Variants in SPIDR observed in about 807,000 individuals in gnomAD.
SPIDR encodes DNA repair-scaffolding protein.
In SPIDR, 93 loss-of-function variants were observed where a neutral mutation model predicts 104.6. That is an observed-to-expected ratio of 0.89 (90% CI 0.75 to 1.06). SPIDR has a LOEUF of 1.06. Ranked by LOEUF, SPIDR falls within the 50% of genes least tolerant of loss-of-function variation. The pLI is 0.00. For synonymous variants in SPIDR, 431 were observed against 416.9 expected, an observed-to-expected ratio of 1.03 and a Z score of -0.41; for missense variants, 1,154 against 1,111.2, an observed-to-expected ratio of 1.04 and a Z score of -0.55.
chr8:47,532,916 A>C (rs914551654), intron 8 of SPIDR, among the ~76,000 whole-genome samples: 2 of 152,240 alleles, frequency 1.3e-5, no homozygotes, highest in African/African-American at 4.8e-5. Context: ...AAATGATAGG[A>C]TCATACAGAG....
chr8:47,729,093 C>T (rs2084780756), intron 18 of SPIDR, 46 bp downstream of exon 18: 1 of 1,604,246 alleles, frequency 6.2e-7, no homozygotes, highest in Non-Finnish European at 8.5e-7. Context: ...CTCACTCCAA[C>T]ATAGCGAAGG....
chr8:47,506,767 A>T (rs891912352), intron 8 of SPIDR, among the ~76,000 whole-genome samples: 1 of 152,198 alleles, frequency 6.6e-6, no homozygotes, highest in Non-Finnish European at 1.5e-5. Flanking sequence ...ACCAAACCTG[A>T]GTAGGCATAT....
At chr8:47,391,995 CAAAAAAAAA>C (rs556134389) in intron 5 of SPIDR, among the ~76,000 whole-genome samples, 3 of 46,494 alleles carry the variant, frequency 6.5e-5, no homozygotes, top group African/African-American at 1.3e-4. Context: ...GACTCCGTCT[CAAAAAAAAA>C]AAAAAAAAAG....
At chr8:47,501,355 T>G (rs916320333) in intron 8 of SPIDR, among the ~76,000 whole-genome samples, 42 of 152,290 alleles carry the variant, frequency 2.8e-4, no homozygotes, top group Admixed American at 2.6e-4. Context: ...AAGAGGTCCT[T>G]CACATCCCTT....
intron 16 of SPIDR, among the ~76,000 whole-genome samples, chr8:47,715,297 C>G (rs920157136): frequency 6.6e-6 from 1 of 152,144 alleles, no homozygotes; most frequent in Non-Finnish European, 1.5e-5. Flanking sequence ...CTGCCTCAGC[C>G]TCCCAAGTAG....
At chr8:47,520,566 C>A (rs746767569) in intron 8 of SPIDR, among the ~76,000 whole-genome samples, 2 of 152,116 alleles carry the variant, frequency 1.3e-5, no homozygotes, top group African/African-American at 4.8e-5. Context: ...AGCACAAGAC[C>A]GTGTGCTGGA....
At chr8:47,528,569 C>T (rs150430008) in intron 8 of SPIDR, among the ~76,000 whole-genome samples, 359 of 151,730 alleles carry the variant, frequency 2.4e-3, no homozygotes, top group African/African-American at 8.0e-3. Context: ...GGACAACAGG[C>T]AAGAACAGGT....
At chr8:47,371,592 T>C (rs2058036094) in intron 5 of SPIDR, among the ~76,000 whole-genome samples, 1 of 152,104 alleles carries the variant, frequency 6.6e-6, no homozygotes, top group Non-Finnish European at 1.5e-5. Flanking sequence ...TCTCATGACC[T>C]ACTCACCTCC....
intron 1 of SPIDR, among the ~76,000 whole-genome samples, chr8:47,269,748 T>G (rs1025645145): frequency 1.3e-5 from 2 of 152,152 alleles, no homozygotes; most frequent in Admixed American, 1.3e-4. Flanking sequence ...CTTTTAGGGA[T>G]AAAGCATCCA....
chr8:47,622,446 C>A (rs1326279632), intron 10 of SPIDR, among the ~76,000 whole-genome samples: 3 of 152,142 alleles, frequency 2.0e-5, no homozygotes, highest in African/African-American at 7.2e-5. Context: ...AGAGGTAAGA[C>A]TCGGCCTGAG....
chr8:47,266,471 C>T (rs2034076637), intron 1 of SPIDR, among the ~76,000 whole-genome samples: 1 of 152,110 alleles, frequency 6.6e-6, no homozygotes, highest in African/African-American at 2.4e-5. Context: ...AGTAGTGTTC[C>T]ATATAATGGA....
chr8:47,720,333 G>A (rs912040373), intron 16 of SPIDR, among the ~76,000 whole-genome samples: 2 of 152,192 alleles, frequency 1.3e-5, no homozygotes, highest in African/African-American at 2.4e-5. Flanking sequence ...TTTTCAACTC[G>A]TGGGTAAATA....
intron 10 of SPIDR, among the ~76,000 whole-genome samples, chr8:47,617,749 A>G (rs887980460): frequency 3.9e-5 from 6 of 152,348 alleles, no homozygotes; most frequent in South Asian, 2.1e-4. Flanking sequence ...AAATATCTGT[A>G]TGAATAAAAG....
At chr8:47,309,592 C>T (rs2043745492) in intron 5 of SPIDR, among the ~76,000 whole-genome samples, 1 of 152,192 alleles carries the variant, frequency 6.6e-6, no homozygotes. Context: ...CCTTCTTCCC[C>T]TTTCAGTATC....
At chr8:47,295,444 T>C (rs1370294030) in intron 5 of SPIDR, among the ~76,000 whole-genome samples, 1 of 152,216 alleles carries the variant, frequency 6.6e-6, no homozygotes, top group African/African-American at 2.4e-5. Context: ...TTAGTCAGCA[T>C]CTTCCCTTTC....
At chr8:47,395,242 G>A (rs558675478) in intron 5 of SPIDR, among the ~76,000 whole-genome samples, 14 of 152,212 alleles carry the variant, frequency 9.2e-5, no homozygotes, top group African/African-American at 3.1e-4. Flanking sequence ...CCAGCTACTT[G>A]GGAGGCTGAG....
chr8:47,647,595 CA>C (rs1447870230), intron 10 of SPIDR, among the ~76,000 whole-genome samples: 1 of 114,174 alleles, frequency 8.8e-6, no homozygotes. Flanking sequence ...GCCTGGGTGA[CA>C]GAGTGAGACT....
At chr8:47,372,091 C>T (rs2058104561) in intron 5 of SPIDR, among the ~76,000 whole-genome samples, 1 of 152,172 alleles carries the variant, frequency 6.6e-6, no homozygotes, top group Non-Finnish European at 1.5e-5. Context: ...CCATCAACTT[C>T]CATGCCTAGA....
At position 47,268,398 on chromosome 8, in the gene SPIDR, A is replaced by G. The variant is rs1321669574; in HGVS notation, c.33+7407A>G. Among the ~76,000 whole-genome samples, 11 of 152,348 alleles carry G rather than the reference A, an allele frequency of 7.2e-5. 1 individual carries two copies. The highest frequency in any genetic ancestry group is 2.6e-4 in the African/African-American group (11 of 41,576). On this transcript the variant is annotated intron_variant, in intron 1 of 19. Coordinates refer to ENST00000297423, the MANE Select transcript of SPIDR (RefSeq NM_001080394.4). Reference sequence around the variant, plus strand: ...CTGGGATTTTGATTTTGTTGAATATATAGACAAATTGGAGAGTATTATCAT... The same window carrying G: ...CTGGGATTTTGATTTTGTTGAATATGTAGACAAATTGGAGAGTATTATCAT...
Sources: allele counts gnomAD v4.1 joint callset (sites outside exome capture counted in the v4.1 genomes callset), GRCh38; gene constraint gnomAD v4.1.1; transcripts MANE v1.5; gene names NCBI Gene and HGNC (gene_info 2026-07-23, HGNC 2026-07-21).